The following NEDD4 variants were observed in gnomAD, a reference collection of about 807,000 sequenced individuals.
NEDD4 encodes the protein NEDD4 E3 ubiquitin protein ligase, also known as E3 ubiquitin-protein ligase NEDD4.
Under a neutral mutation model 144.9 loss-of-function variants are expected in NEDD4, and 99 were observed. The observed-to-expected ratio is 0.68, with a 90% CI of 0.58 to 0.81. NEDD4 has a LOEUF of 0.81. Among genes scored for constraint, NEDD4 ranks in the 30% least tolerant of loss-of-function variants. NEDD4 has a pLI of 0.00. For missense variants in NEDD4, 985 were observed against 1,065.9 expected (o/e 0.92, Z 1.06); for synonymous variants, 318 against 350.6 (o/e 0.91, Z 1.04).
intron 9 of NEDD4, 31 bp from the exon 10 acceptor site, chr15:55,860,809 A>G: frequency 1.3e-6 from 2 of 1,576,500 alleles, no homozygotes; most frequent in Non-Finnish European, 1.7e-6. Context: ...GCCATCATCC[A>G]TGTCTTAAGT....
rs576671434 is a variant in NEDD4, at chr15:55,876,192, C to T, written c.292-2184G>A. On this transcript the variant is annotated intron_variant, in intron 5 of 28. Coordinates refer to ENST00000435532, the MANE Select transcript of NEDD4 (RefSeq NM_006154.4). ...AAGGGAAGGAAAATAAAGATACTTTCGGATAAAGTAGAGATAATTTGTCAT... is the reference window on the plus strand; with the variant it reads ...AAGGGAAGGAAAATAAAGATACTTTTGGATAAAGTAGAGATAATTTGTCAT... Among the ~76,000 whole-genome samples the T allele has an allele frequency of 1.8e-4, 27 of 152,154 alleles. No individual in the cohort carries two copies. In the Middle Eastern group the frequency reaches 0.014, roughly 77 times the overall value.
At chr15:55,980,157 C>G (rs1162194037) in intron 1 of NEDD4, among the ~76,000 whole-genome samples, 1 of 152,098 alleles carries the variant, frequency 6.6e-6, no homozygotes, top group African/African-American at 2.4e-5. Context: ...ATCTTGAACG[C>G]CTGACCTCAG....
intron 5 of NEDD4, among the ~76,000 whole-genome samples, chr15:55,905,651 A>G (rs2036065621): frequency 6.6e-6 from 1 of 152,244 alleles, no homozygotes; most frequent in Non-Finnish European, 1.5e-5. Context: ...CGTTAGGACT[A>G]GGAAATCATC....
intron 1 of NEDD4, among the ~76,000 whole-genome samples, chr15:55,979,619 C>T (rs2037766623): frequency 6.6e-6 from 1 of 151,876 alleles, no homozygotes; most frequent in Non-Finnish European, 1.5e-5. Flanking sequence ...TCCCAAAGTG[C>T]TGGGATTACA....
At chr15:55,906,377 C>T (rs2036095030) in intron 5 of NEDD4, among the ~76,000 whole-genome samples, 1 of 152,118 alleles carries the variant, frequency 6.6e-6, no homozygotes, top group Non-Finnish European at 1.5e-5. Flanking sequence ...GACTTGGAAC[C>T]AACCCAAATG....
chr15:55,919,066 A>AT (rs2036521417), intron 5 of NEDD4, among the ~76,000 whole-genome samples: 2 of 152,174 alleles, frequency 1.3e-5, no homozygotes, highest in South Asian at 4.1e-4. Context: ...TGGTCAGATA[A>AT]ATGTCTTCTC....
At chr15:55,986,208 T>C (rs1444651169) in intron 1 of NEDD4, among the ~76,000 whole-genome samples, 1 of 152,104 alleles carries the variant, frequency 6.6e-6, no homozygotes, top group Non-Finnish European at 1.5e-5. Flanking sequence ...TAAAACAAAA[T>C]AGTGGTGTTT....
chr15:55,900,406 C>G (rs1284596465), intron 5 of NEDD4, among the ~76,000 whole-genome samples: 1 of 152,016 alleles, frequency 6.6e-6, no homozygotes, highest in African/African-American at 2.4e-5. Context: ...TCTACTGGTC[C>G]CTGCAGGCTG....
At chr15:55,833,663 A>C (rs561547934) in intron 26 of NEDD4, among the ~76,000 whole-genome samples, 1 of 152,170 alleles carries the variant, frequency 6.6e-6, no homozygotes, top group Non-Finnish European at 1.5e-5. Context: ...TCCATCTCAA[A>C]AAACACATTA....
intron 1 of NEDD4, among the ~76,000 whole-genome samples, chr15:55,967,440 CTGTGTGTGTG>C (rs200788423): frequency 8.0e-4 from 114 of 142,340 alleles, no homozygotes; most frequent in African/African-American, 2.6e-3. Context: ...CATAACTATG[CTGTGTGTGTG>C]TGTGTGTGTG....
intron 12 of NEDD4, among the ~76,000 whole-genome samples, chr15:55,853,466 C>A (rs1478956102): frequency 6.6e-6 from 1 of 152,164 alleles, no homozygotes; most frequent in Non-Finnish European, 1.5e-5. Context: ...TATACTTGAT[C>A]TTAGCCAAAA....
intron 1 of NEDD4, among the ~76,000 whole-genome samples, chr15:55,979,916 A>C (rs1434867358): frequency 4.1e-5 from 6 of 147,066 alleles, no homozygotes; most frequent in Non-Finnish European, 7.5e-5. Flanking sequence ...TATAATTATT[A>C]CTTTTTTTTT....
rs775029344 is a variant in NEDD4 at position 55,837,822 on chromosome 15, G to C, written c.2229C>G (p.Asn743Lys). Residue 743 changes from asparagine (N) to lysine (K), a missense_variant, in exon 24 of 29, where the codon AAC (asparagine) becomes AAG (lysine). Coordinates refer to ENST00000435532, the MANE Select transcript of NEDD4 (RefSeq NM_006154.4). ...IYLVIQWRFV[N>K]RIQKQMAAFK... ...AAGCAGCCATTTGCTTCTGGATTCG[G>C]TTTACAAATCGCCATTGTATTACAA... 6.2e-7 allele frequency: 1 copy of C among 1,611,898 alleles called. No individual in the cohort carries two copies. Among genetic ancestry groups the C allele is most frequent in the South Asian group, 1.1e-5 (1 of 90,784 alleles).
chr15:55,961,622 C>T (rs908070765), intron 2 of NEDD4, among the ~76,000 whole-genome samples: 8 of 152,206 alleles, frequency 5.3e-5, no homozygotes, highest in Non-Finnish European at 1.0e-4. Context: ...AGGAGCCCAC[C>T]ACCACACCCG....
At chr15:55,989,452 A>G (rs12591370) in intron 1 of NEDD4, among the ~76,000 whole-genome samples, 23,186 of 152,064 alleles carry the variant, frequency 0.15, 3,296 homozygotes, top group East Asian at 0.44. Flanking sequence ...TGTGTAGTAC[A>G]TAAAGGTTTG....
intron 5 of NEDD4, among the ~76,000 whole-genome samples, chr15:55,892,756 G>A (rs1366398303): frequency 6.6e-6 from 1 of 152,052 alleles, no homozygotes; most frequent in African/African-American, 2.4e-5. Context: ...GTGTTATGCA[G>A]CTTGCTTTCC....
intron 5 of NEDD4, chr15:55,916,545 T>C: frequency 6.2e-7 from 1 of 1,614,104 alleles, no homozygotes; most frequent in African/African-American, 1.3e-5. Flanking sequence ...ATATCCACTG[T>C]ACCTTGTTGG....
chr15:55,864,687 G>GA (rs57833326), intron 8 of NEDD4, among the ~76,000 whole-genome samples: 46 of 126,244 alleles, frequency 3.6e-4, no homozygotes, highest in Admixed American at 4.8e-4. Context: ...TGTCTCATAA[G>GA]AAAAAAAAAA....
chr15:55,898,948 G>A (rs1595815697), intron 5 of NEDD4, among the ~76,000 whole-genome samples: 2 of 152,212 alleles, frequency 1.3e-5, no homozygotes, highest in East Asian at 3.9e-4. Flanking sequence ...GCCAAGAAAA[G>A]ACCTTTAAAA....
Sources: gnomAD v4.1 joint callset for allele counts (sites outside exome capture counted in the v4.1 genomes callset) on GRCh38, gnomAD v4.1.1 for gene constraint, MANE v1.5 for transcripts, NCBI Gene and HGNC (gene_info 2026-07-23, HGNC 2026-07-21) for gene names.